HIVEP1: variants seen among roughly 807,000 people sequenced by gnomAD.
HIVEP1 encodes the protein zinc finger protein 40.
A neutral mutation model predicts 180.0 loss-of-function variants in HIVEP1; 36 were observed. The ratio of observed to expected loss-of-function variants is 0.20; its 90% CI spans 0.15 to 0.26. HIVEP1 has a LOEUF of 0.26. HIVEP1 is among the 10% of genes least tolerant of loss of function. The pLI is 1.00. For synonymous variants in HIVEP1, 1,239 were observed against 1,239.0 expected (o/e 1.00, Z 0.00); for missense variants, 3,143 against 3,268.7 (o/e 0.96, Z 0.94).
chr6:12,141,720 A>AAAAAAAAAG (rs1759047957), intron 7 of HIVEP1, among the ~76,000 whole-genome samples: 1 of 121,438 alleles, frequency 8.2e-6, no homozygotes, highest in Non-Finnish European at 1.8e-5. Context: ...AAAAAAAAAA[A>AAAAAAAAAG]GCAGGGGTTG....
intron 7 of HIVEP1, among the ~76,000 whole-genome samples, chr6:12,160,446 C>T (rs1352860381): frequency 1.3e-5 from 2 of 152,106 alleles, no homozygotes; most frequent in East Asian, 1.9e-4. Flanking sequence ...TATGACGACA[C>T]GGAGGACCAT....
Position 12,129,864 on chromosome 6 carries a change from C to T in HIVEP1, c.6181C>T (p.Pro2061Ser). Residue 2061 changes from proline to serine, a missense_variant, in exon 5 of 9, where the codon CCA becomes TCA. Physicochemically the swap from Pro to Ser is moderately conservative, Grantham distance 74 (BLOSUM62 -1). Coordinates refer to ENST00000379388, the MANE Select transcript of HIVEP1 (RefSeq NM_002114.4). ...DKENSLIKSEPRRIKIFDGGY... is the reference protein window; with the variant it reads ...DKENSLIKSESRRIKIFDGGY... Reference sequence around the variant, plus strand: ...AGAAAATTCCTTAATCAAAAGTGAACCAAGAAGAATTAAAATATTTGATGG... The same window carrying T: ...AGAAAATTCCTTAATCAAAAGTGAATCAAGAAGAATTAAAATATTTGATGG... The T allele has an allele frequency of 6.4e-7, 1 of 1,567,792 alleles. No individual in the cohort carries two copies. Among genetic ancestry groups the T allele is most frequent in the Non-Finnish European group, 8.8e-7 (1 of 1,142,422 alleles).
intron 2 of HIVEP1, among the ~76,000 whole-genome samples, chr6:12,086,935 A>G (rs148774951): frequency 3.3e-5 from 5 of 152,264 alleles, no homozygotes; most frequent in African/African-American, 1.2e-4. Context: ...TTTAAAACAC[A>G]TCATATTTAC....
At chr6:12,152,475 C>G (rs776616852) in intron 7 of HIVEP1, among the ~76,000 whole-genome samples, 3 of 152,136 alleles carry the variant, frequency 2.0e-5, no homozygotes, top group Non-Finnish European at 4.4e-5. Flanking sequence ...TGAATCCAAA[C>G]AGAGGGCAGA....
intron 7 of HIVEP1, among the ~76,000 whole-genome samples, chr6:12,136,837 A>G (rs1758733520): frequency 6.6e-6 from 1 of 152,226 alleles, no homozygotes; most frequent in Admixed American, 6.5e-5. Flanking sequence ...GAGAATAGAA[A>G]TATGTTTTTG....
intron 7 of HIVEP1, among the ~76,000 whole-genome samples, chr6:12,152,867 A>G (rs1759790789): frequency 6.6e-6 from 1 of 152,228 alleles, no homozygotes; most frequent in South Asian, 2.1e-4. Context: ...ACCTGACCTG[A>G]AATTTAATAT....
At chr6:12,175,938 C>T in the HIVEP1 span, among the ~76,000 whole-genome samples, 1 of 152,124 alleles carries the variant, frequency 6.6e-6, no homozygotes, top group African/African-American at 2.4e-5. Flanking sequence ...GTGATCTTTG[C>T]ATATGATTGC....
chr6:12,074,643 T>TGTGTGTGTGTGTGTGTATGTGTGTGCGC (rs573970756), intron 2 of HIVEP1, among the ~76,000 whole-genome samples: 1 of 148,032 alleles, frequency 6.8e-6, no homozygotes, highest in Admixed American at 6.6e-5. Flanking sequence ...TGTGTGTGTG[T>TGTGTGTGTGTGTGTGTATGTGTGTGCGC]GCGCGCGCGT....
chr6:12,124,630 C>G lies in HIVEP1; in HGVS notation c.4835C>G (p.Ser1612Trp), dbSNP rs373301856. The change falls in exon 4 of 9, where the codon TCG (serine) becomes TGG (tryptophan). Residue 1612 changes from serine to tryptophan, a missense_variant. Transcript: ENST00000379388. The part of the protein sequence containing the change: ...PTKLIDSMSN[S>W]HPLLPPELRP... ...AAATTAATTGACAGCATGTCTAATT[C>G]GCATCCTCTGCTACCACCAGAGCTC... 2 of 1,614,152 alleles carry G rather than the reference C, an allele frequency of 1.2e-6. No individual in the cohort carries two copies. Among genetic ancestry groups the G allele is most frequent in the South Asian group, 1.1e-5 (1 of 91,076 alleles).
intron 2 of HIVEP1, among the ~76,000 whole-genome samples, chr6:12,037,333 C>T (rs1364718052): frequency 6.6e-6 from 1 of 152,152 alleles, no homozygotes; most frequent in African/African-American, 2.4e-5. Context: ...ATTTAGTAAA[C>T]ATAAGTGTAG....
chr6:12,161,551 A>G lies in HIVEP1; in HGVS notation c.6600A>G (p.Glu2200=). The G allele has an allele frequency of 6.2e-7, 1 of 1,614,128 alleles. No individual in the cohort carries two copies. The highest frequency in any genetic ancestry group is 8.5e-7 in the Non-Finnish European group (1 of 1,179,980). The change falls in exon 8 of 9, where the codon GAA becomes GAG. Residue 2200 remains glutamate, a synonymous_variant. Coordinates refer to ENST00000379388, the MANE Select transcript of HIVEP1 (RefSeq NM_002114.4). ...NEDDDEDSQA[E]SVLSATPSVT... is the part of the protein sequence containing the mutation. The stretch of plus-strand genomic sequence containing the variant: ...ACGATGATGAGGACAGCCAGGCTGA[A>G]TCAGTCCTGTCAGCCACACCCTCAG...
At chr6:12,191,636 TAAATAA>T in the HIVEP1 span, among the ~76,000 whole-genome samples, 2 of 152,086 alleles carry the variant, frequency 1.3e-5, no homozygotes, top group African/African-American at 4.8e-5. Context: ...ATTTTTAAAA[TAAATAA>T]AAAGAACATA....
the HIVEP1 span, among the ~76,000 whole-genome samples, chr6:12,210,133 A>G: frequency 6.6e-6 from 1 of 152,106 alleles, no homozygotes; most frequent in Non-Finnish European, 1.5e-5. Flanking sequence ...AGTTTATGGT[A>G]CATGTGAACT....
At chr6:12,141,174 G>C (rs1213751083) in intron 7 of HIVEP1, among the ~76,000 whole-genome samples, 1 of 152,124 alleles carries the variant, frequency 6.6e-6, no homozygotes, top group African/African-American at 2.4e-5. Flanking sequence ...CAGATCTCTC[G>C]GCAGAAACTC....
chr6:12,161,638 C>T lies in HIVEP1; in HGVS notation c.6687C>T (p.Asp2229=), dbSNP rs747479010. Residue 2229 remains aspartate, a synonymous_variant, in exon 8 of 9, where the codon GAC becomes GAT. Transcript: ENST00000379388. ...RSSLQDPVST[D]EDVRITDCFS... ...GCCTTCAGGACCCTGTGAGTACTGA[C>T]GAGGATGTCAGGATCACCGATTGCT... The T allele has an allele frequency of 4.4e-5, 71 of 1,614,032 alleles. No individual in the cohort carries two copies. The East Asian group carries it at 4.7e-4, about 11-fold the overall frequency.
chr6:12,145,133 A>G (rs910557003), intron 7 of HIVEP1, among the ~76,000 whole-genome samples: 5 of 152,234 alleles, frequency 3.3e-5, no homozygotes, highest in Non-Finnish European at 4.4e-5. Flanking sequence ...ATGTCCATCA[A>G]TTATAGACTG....
chr6:12,188,236 C>G, the HIVEP1 span, among the ~76,000 whole-genome samples: 23 of 152,310 alleles, frequency 1.5e-4, no homozygotes, highest in East Asian at 4.4e-3. Context: ...GCAATGATAT[C>G]TCCATATTAG....
chr6:12,128,687 A>G (rs1470486520), intron 4 of HIVEP1, among the ~76,000 whole-genome samples: 1 of 152,172 alleles, frequency 6.6e-6, no homozygotes, highest in Non-Finnish European at 1.5e-5. Context: ...TAAGTGAGAC[A>G]ACATACTATC....
chr6:12,017,343 C>T (rs1268241159), intron 2 of HIVEP1, among the ~76,000 whole-genome samples: 1 of 152,172 alleles, frequency 6.6e-6, no homozygotes, highest in Non-Finnish European at 1.5e-5. Context: ...TTCTGATGTT[C>T]AGATGTGTTT....
Sources: gnomAD v4.1 joint callset for allele counts (sites outside exome capture counted in the v4.1 genomes callset) on GRCh38, gnomAD v4.1.1 for gene constraint, MANE v1.5 for transcripts, NCBI Gene and HGNC (gene_info 2026-07-23, HGNC 2026-07-21) for gene names.